SELENOF: variants seen among roughly 807,000 people sequenced by gnomAD.
The protein encoded by SELENOF is selenoprotein F.
Under a neutral mutation model 20.5 loss-of-function variants are expected in SELENOF, and 16 were observed. The ratio of observed to expected loss-of-function variants is 0.78; its 90% CI spans 0.53 to 1.19. The LOEUF (loss-of-function observed/expected upper bound fraction) is 1.19. Ranked by LOEUF, SELENOF falls within the 50% of genes most tolerant of loss-of-function variation. SELENOF has a pLI of 0.00. For synonymous variants in SELENOF, 78 were observed against 74.5 expected (o/e 1.05, Z -0.24); for missense variants, 215 against 194.2 (o/e 1.11, Z -0.64).
intron 4 of SELENOF, among the ~76,000 whole-genome samples, chr1:86,866,778 C>G (rs1389389600): frequency 6.6e-6 from 1 of 152,084 alleles, no homozygotes; most frequent in Non-Finnish European, 1.5e-5. Context: ...CTTATTAGAA[C>G]AACTAAAATC....
chr1:86,885,709 T>C (rs2102096142), intron 2 of SELENOF, among the ~76,000 whole-genome samples: 2 of 152,318 alleles, frequency 1.3e-5, no homozygotes, highest in East Asian at 1.9e-4. Context: ...CAAATTTTCA[T>C]ACGGCATGGT....
chr1:86,866,908 A>G (rs778310227), intron 4 of SELENOF, among the ~76,000 whole-genome samples: 7 of 152,244 alleles, frequency 4.6e-5, no homozygotes, highest in Admixed American at 6.5e-5. Context: ...AGTTTCTTAC[A>G]AAGTTAAACA....
chr1:86,877,641 A>G lies in SELENOF; in HGVS notation c.316+3021T>C, dbSNP rs556468110. Among the ~76,000 whole-genome samples the G allele has an allele frequency of 1.1e-4, 16 of 152,312 alleles. No homozygotes were observed. The East Asian group carries it at 3.1e-3, about 29-fold the overall frequency. On this transcript the variant is annotated intron_variant, in intron 3 of 4. Coordinates refer to ENST00000331835, the MANE Select transcript of SELENOF (RefSeq NM_004261.5). Reference sequence around the variant, plus strand: ...ATTCTAGATTTAAGATTTTTGAATTATGAGGATGCTCAATTTGTACTACAT... The same window carrying G: ...ATTCTAGATTTAAGATTTTTGAATTGTGAGGATGCTCAATTTGTACTACAT...
intron 2 of SELENOF, among the ~76,000 whole-genome samples, chr1:86,900,695 G>C (rs1659679686): frequency 6.6e-6 from 1 of 151,966 alleles, no homozygotes; most frequent in Non-Finnish European, 1.5e-5. Context: ...CGGAGACCGT[G>C]GGGAGAGCAA....
intron 2 of SELENOF, among the ~76,000 whole-genome samples, chr1:86,893,332 T>C (rs996966026): frequency 4.6e-5 from 7 of 151,752 alleles, no homozygotes; most frequent in African/African-American, 1.7e-4. Flanking sequence ...GGCTAGGGTA[T>C]GGTGGCTCAC....
At chr1:86,868,244 ATAAAT>A in intron 3 of SELENOF, 142 bp from the exon 4 acceptor site, 1 of 422,298 alleles carries the variant, frequency 2.4e-6, no homozygotes, top group Non-Finnish European at 4.1e-6. Context: ...ACATCTGTGG[ATAAAT>A]GGAGAGACAT....
At chr1:86,866,230 CTGTGTG>C (rs60714256) in intron 4 of SELENOF, among the ~76,000 whole-genome samples, 2,542 of 113,648 alleles carry the variant, frequency 0.022, 36 homozygotes, top group Middle Eastern at 0.032. Context: ...GTGTGTGTCT[CTGTGTG>C]TGTGTGTGTG....
At chr1:86,900,120 A>AG (rs1570402461) in intron 2 of SELENOF, among the ~76,000 whole-genome samples, 3 of 150,876 alleles carry the variant, frequency 2.0e-5, no homozygotes, top group East Asian at 4.0e-4. Flanking sequence ...AGCCAGGCAG[A>AG]GGGGCTCCTC....
At chr1:86,907,093 G>T (rs181841111) in intron 1 of SELENOF, among the ~76,000 whole-genome samples, 145 of 152,298 alleles carry the variant, frequency 9.5e-4, no homozygotes, top group Non-Finnish European at 1.7e-3. Context: ...GTATTTCAAA[G>T]TCTTAACACA....
chr1:86,901,734 G>C (rs61800718), intron 2 of SELENOF, among the ~76,000 whole-genome samples: 2,182 of 152,230 alleles, frequency 0.014, 21 homozygotes, highest in Non-Finnish European at 0.024. Context: ...AGAGGTTTGT[G>C]GTGCAAGTTT....
intron 2 of SELENOF, among the ~76,000 whole-genome samples, chr1:86,891,932 GT>G (rs111839796): frequency 0.31 from 44,988 of 146,372 alleles, 8,864 homozygotes; most frequent in African/African-American, 0.57. Flanking sequence ...TTATTATTTA[GT>G]TTTTTTTTTT....
intron 2 of SELENOF, among the ~76,000 whole-genome samples, chr1:86,896,357 T>C (rs902739881): frequency 6.6e-6 from 1 of 151,720 alleles, no homozygotes; most frequent in African/African-American, 2.4e-5. Flanking sequence ...AAGGAAATAA[T>C]GAAAAAAAGC....
At chr1:86,879,400 G>C (rs564546590) in intron 3 of SELENOF, among the ~76,000 whole-genome samples, 2 of 152,124 alleles carry the variant, frequency 1.3e-5, no homozygotes, top group African/African-American at 4.8e-5. Context: ...AACAAAGACT[G>C]TTTTTGATTA....
chr1:86,877,047 CTTA>C (rs1658941253), intron 3 of SELENOF, among the ~76,000 whole-genome samples: 1 of 152,204 alleles, frequency 6.6e-6, no homozygotes, highest in Middle Eastern at 3.4e-3. Flanking sequence ...ATAATTGAAA[CTTA>C]TTATTAACCA....
intron 2 of SELENOF, among the ~76,000 whole-genome samples, chr1:86,885,740 T>G (rs1659196271): frequency 6.6e-6 from 1 of 152,190 alleles, no homozygotes; most frequent in Non-Finnish European, 1.5e-5. Flanking sequence ...GAGTCCAAGC[T>G]GTCAAATCAA....
At chr1:86,899,949 G>T (rs1442143438) in intron 2 of SELENOF, among the ~76,000 whole-genome samples, 1 of 151,868 alleles carries the variant, frequency 6.6e-6, no homozygotes, top group Non-Finnish European at 1.5e-5. Flanking sequence ...CATCCCACAC[G>T]GGGCGGCGGG....
intron 3 of SELENOF, among the ~76,000 whole-genome samples, chr1:86,872,543 T>G (rs568598494): frequency 2.4e-3 from 363 of 152,028 alleles, no homozygotes; most frequent in Non-Finnish European, 4.4e-3. Context: ...TAATGTTTTT[T>G]TTTTTTTTTG....
At chr1:86,882,247 C>CAAAAAAAAAAAAAAAAA (rs61037512) in intron 2 of SELENOF, among the ~76,000 whole-genome samples, 70 of 61,768 alleles carry the variant, frequency 1.1e-3, no homozygotes, top group South Asian at 2.2e-3. Flanking sequence ...GACTCTGTCT[C>CAAAAAAAAAAAAAAAAA]AAAAAAAAAA....
intron 1 of SELENOF, among the ~76,000 whole-genome samples, chr1:86,912,992 A>G (rs1660025069): frequency 6.6e-6 from 1 of 152,178 alleles, no homozygotes; most frequent in Non-Finnish European, 1.5e-5. Context: ...GTTTAGGGAG[A>G]GGTGATCCAG....
Sources: gnomAD v4.1 joint callset for allele counts (sites outside exome capture counted in the v4.1 genomes callset) on GRCh38, gnomAD v4.1.1 for gene constraint, MANE v1.5 for transcripts, NCBI Gene and HGNC (gene_info 2026-07-23, HGNC 2026-07-21) for gene names.